The following USP32 variants were observed in gnomAD, a reference collection of about 807,000 sequenced individuals.
The protein encoded by USP32 is ubiquitin carboxyl-terminal hydrolase 32.
USP32 carries 59 observed loss-of-function variants against 204.8 expected under a neutral mutation model. That is an observed-to-expected ratio of 0.29 (90% confidence interval 0.23 to 0.36). USP32 has a LOEUF of 0.36. USP32 is among the 10% of genes least tolerant of loss of function. The pLI, the probability that USP32 is intolerant of heterozygous loss-of-function variation, is 1.00. For synonymous variants in USP32, 517 were observed against 678.4 expected (o/e 0.76, Z 3.70); for missense variants, 1,160 against 1,946.4 (o/e 0.60, Z 7.60).
intron 1 of USP32, among the ~76,000 whole-genome samples, chr17:60,403,067 A>G (rs2089948525): frequency 6.6e-6 from 1 of 151,912 alleles, no homozygotes; most frequent in Non-Finnish European, 1.5e-5. Context: ...GCTGGAGTGC[A>G]GTGTCACGAT....
chr17:60,306,606 C>G (rs1461099187), intron 2 of USP32, among the ~76,000 whole-genome samples: 1 of 151,858 alleles, frequency 6.6e-6, no homozygotes, highest in Non-Finnish European at 1.5e-5. Context: ...CCACTGCACT[C>G]CAGCCTGGGC....
At chr17:60,248,832 CTT>C (rs2145696761) in intron 11 of USP32, among the ~76,000 whole-genome samples, 1 of 152,238 alleles carries the variant, frequency 6.6e-6, no homozygotes, top group African/African-American at 2.4e-5. Flanking sequence ...TTCTACTATT[CTT>C]TGTTTTTTCC....
intron 1 of USP32, among the ~76,000 whole-genome samples, chr17:60,390,212 A>AG (rs2089806532): frequency 6.6e-6 from 1 of 152,006 alleles, no homozygotes; most frequent in South Asian, 2.1e-4. Flanking sequence ...TTAGTTTGAT[A>AG]GGAGATTAAG....
intron 9 of USP32, chr17:60,258,114 T>C (rs1020284763): frequency 2.5e-5 from 4 of 157,030 alleles, no homozygotes; most frequent in Admixed American, 6.6e-5. Context: ...GGTGAGTAAG[T>C]AGTTCAAAAC....
chr17:60,407,181 G>A (rs541305793), intron 1 of USP32, among the ~76,000 whole-genome samples: 1 of 152,306 alleles, frequency 6.6e-6, no homozygotes, highest in Admixed American at 6.5e-5. Flanking sequence ...TGGAACCTGA[G>A]GCAGCTGTGG....
chr17:60,261,120 T>C (rs1003049243), intron 9 of USP32, among the ~76,000 whole-genome samples: 3 of 150,908 alleles, frequency 2.0e-5, no homozygotes, highest in African/African-American at 7.4e-5. Context: ...ATGTTGAACA[T>C]AGGCTATATT....
intron 1 of USP32, among the ~76,000 whole-genome samples, chr17:60,370,490 A>G (rs967012714): frequency 3.9e-5 from 6 of 152,052 alleles, no homozygotes; most frequent in Non-Finnish European, 1.5e-5. Flanking sequence ...GCTGGATGCA[A>G]TGGCTCACAC....
intron 11 of USP32, among the ~76,000 whole-genome samples, chr17:60,237,828 T>C (rs1372789117): frequency 6.6e-6 from 1 of 152,214 alleles, no homozygotes; most frequent in African/African-American, 2.4e-5. Flanking sequence ...TAACCATTCA[T>C]CCACTGATGG....
intron 11 of USP32, among the ~76,000 whole-genome samples, chr17:60,251,971 C>T (rs908592931): frequency 6.6e-6 from 1 of 151,846 alleles, no homozygotes; most frequent in Admixed American, 6.6e-5. Context: ...ATGAATTTTA[C>T]AAATATCACT....
rs1321392167 is a variant in USP32, at chr17:60,226,179, T to C, written c.1292A>G (p.Tyr431Cys). 3.1e-6 allele frequency: 5 copies of C among 1,588,414 alleles called. No homozygotes were observed. In the African/African-American group the frequency reaches 4.1e-5, roughly 13 times the overall value. ...AGGATGGGCTGCAGTTCCAAATGAG[T>C]ATTTTCCTCCATTCAAAACAGATGA... is the stretch of plus-strand genomic sequence containing the variant. ...EPSSVLNGGKYSFGTAAHPME... is the reference protein window; with the variant it reads ...EPSSVLNGGKCSFGTAAHPME... The change falls in exon 13 of 34, where the codon TAC (tyrosine) becomes TGC (cysteine). Residue 431 changes from tyrosine to cysteine, a missense_variant. Transcript: ENST00000300896.
At chr17:60,342,052 T>C (rs146159338) in intron 2 of USP32, among the ~76,000 whole-genome samples, 116 of 152,320 alleles carry the variant, frequency 7.6e-4, no homozygotes, top group Middle Eastern at 3.4e-3. Flanking sequence ...TTATCTATCT[T>C]TGGTCTTTGA....
chr17:60,271,950 T>G (rs2086733701), intron 5 of USP32, among the ~76,000 whole-genome samples: 1 of 152,120 alleles, frequency 6.6e-6, no homozygotes, highest in Admixed American at 6.5e-5. Context: ...TAGCTAGGAC[T>G]ACATGTGTAC....
intron 2 of USP32, among the ~76,000 whole-genome samples, chr17:60,324,947 G>A (rs1166447648): frequency 6.6e-6 from 1 of 152,142 alleles, no homozygotes; most frequent in African/African-American, 2.4e-5. Flanking sequence ...AATTTGCGGT[G>A]AGCCGAGATC....
At chr17:60,244,142 TCTC>T (rs1388860856) in intron 11 of USP32, among the ~76,000 whole-genome samples, 4 of 149,860 alleles carry the variant, frequency 2.7e-5, no homozygotes, top group South Asian at 2.1e-4. Context: ...TTCACGCCAT[TCTC>T]CTGTCTCAGC....
intron 1 of USP32, chr17:60,421,245 A>C (rs949168399): frequency 3.6e-6 from 2 of 550,890 alleles, no homozygotes; most frequent in Non-Finnish European, 4.6e-6. Context: ...TCCTCCCCTT[A>C]CAACAACAAC....
At chr17:60,222,327 T>A in intron 15 of USP32, 82 bp downstream of exon 15, 1 of 1,491,440 alleles carries the variant, frequency 6.7e-7, no homozygotes, top group Non-Finnish European at 9.2e-7. Flanking sequence ...ACTTTGTGGT[T>A]AGTGAGAGTC....
At chr17:60,211,317 T>G (rs542311781) in intron 20 of USP32, 59 bp downstream of exon 20, 242 of 1,557,486 alleles carry the variant, frequency 1.6e-4, no homozygotes, top group Admixed American at 1.1e-3. Context: ...GAAATTTAGG[T>G]GATATTGGGT....
chr17:60,359,065 G>A (rs1385255199), intron 1 of USP32, among the ~76,000 whole-genome samples: 1 of 152,112 alleles, frequency 6.6e-6, no homozygotes, highest in Non-Finnish European at 1.5e-5. Flanking sequence ...AGTGTCCTCT[G>A]CCTATGAGCT....
intron 1 of USP32, 47 bp downstream of exon 1, chr17:60,391,835 C>T (rs748025912): frequency 1.3e-6 from 2 of 1,589,602 alleles, no homozygotes; most frequent in Non-Finnish European, 8.6e-7. Context: ...TCCAGGCTGC[C>T]CGTCGCGGGC....
Sources: gnomAD v4.1 joint callset for allele counts (sites outside exome capture counted in the v4.1 genomes callset) on GRCh38, gnomAD v4.1.1 for gene constraint, MANE v1.5 for transcripts, NCBI Gene and HGNC (gene_info 2026-07-23, HGNC 2026-07-21) for gene names.